Variants in FRAS1 observed in about 807,000 individuals in gnomAD.
FRAS1 encodes the protein extracellular matrix organizing protein FRAS1.
A neutral mutation model predicts 435.2 loss-of-function variants in FRAS1; 290 were observed. The observed-to-expected ratio is 0.67, with a 90% CI of 0.61 to 0.73. The LOEUF (loss-of-function observed/expected upper bound fraction) is 0.73, where lower values mean the gene tolerates loss of function less well. Among genes scored for constraint, FRAS1 ranks in the 30% least tolerant of loss-of-function variants. FRAS1 has a pLI of 0.00. For synonymous variants in FRAS1, 1,800 were observed against 1,851.0 expected (o/e 0.97, Z 0.71); for missense variants, 4,860 against 5,001.5 (o/e 0.97, Z 0.85).
intron 36 of FRAS1, among the ~76,000 whole-genome samples, chr4:78,429,823 C>T (rs1405600148): frequency 1.3e-5 from 2 of 152,162 alleles, no homozygotes; most frequent in Non-Finnish European, 2.9e-5. Flanking sequence ...ACCAAACTTA[C>T]AAATAAGCCA....
At chr4:78,153,763 T>A (rs1470133435) in intron 2 of FRAS1, among the ~76,000 whole-genome samples, 1 of 152,192 alleles carries the variant, frequency 6.6e-6, no homozygotes, top group Non-Finnish European at 1.5e-5. Context: ...GGAAACGAAA[T>A]AATTTAGCAG....
chr4:78,488,537 G>A (rs1483575581), intron 58 of FRAS1, among the ~76,000 whole-genome samples: 2 of 152,066 alleles, frequency 1.3e-5, no homozygotes, highest in East Asian at 1.9e-4. Context: ...AAAATTTTTC[G>A]TACACCATCA....
At chr4:78,263,434 G>A (rs1726209936) in intron 6 of FRAS1, among the ~76,000 whole-genome samples, 1 of 152,128 alleles carries the variant, frequency 6.6e-6, no homozygotes, top group Non-Finnish European at 1.5e-5. Context: ...CTCCCTCCCT[G>A]CATACGCTCA....
intron 27 of FRAS1, among the ~76,000 whole-genome samples, chr4:78,383,174 AC>A (rs1179977856): frequency 6.6e-6 from 1 of 152,074 alleles, no homozygotes; most frequent in African/African-American, 2.4e-5. Flanking sequence ...TTATTTTATT[AC>A]TAATTGGGAC....
intron 29 of FRAS1, among the ~76,000 whole-genome samples, chr4:78,388,713 T>A (rs1213857534): frequency 6.7e-6 from 1 of 150,188 alleles, no homozygotes. Context: ...AAGGCTGAGG[T>A]GGGAGGATCA....
intron 19 of FRAS1, among the ~76,000 whole-genome samples, chr4:78,334,697 T>C (rs1730100459): frequency 6.6e-6 from 1 of 152,078 alleles, no homozygotes. Context: ...TGTGATAAAA[T>C]GTTATATGTA....
intron 33 of FRAS1, among the ~76,000 whole-genome samples, chr4:78,419,765 G>A (rs960545123): frequency 1.3e-5 from 2 of 152,176 alleles, no homozygotes; most frequent in Non-Finnish European, 2.9e-5. Context: ...TGGATGGGGA[G>A]GCCTCAGGAA....
chr4:78,285,048 C>G (rs1478816226), intron 13 of FRAS1, among the ~76,000 whole-genome samples: 3 of 152,148 alleles, frequency 2.0e-5, no homozygotes, highest in Non-Finnish European at 2.9e-5. Context: ...GAGCTTATCT[C>G]TTATGGGCTA....
At chr4:78,431,429 A>G (rs534040888) in intron 37 of FRAS1, among the ~76,000 whole-genome samples, 2 of 152,246 alleles carry the variant, frequency 1.3e-5, no homozygotes, top group African/African-American at 4.8e-5. Context: ...TTACGTTTTC[A>G]TAGGCATAAT....
rs150764311 is a variant in FRAS1, at chr4:78,375,602, A to G, written c.3152-137A>G. 3,393 of 673,850 alleles carry G rather than the reference A, an allele frequency of 5.0e-3. 14 individuals are homozygous for G. The highest frequency in any genetic ancestry group is 7.0e-3 in the Non-Finnish European group (2,899 of 413,406). 41.7% of individuals were successfully genotyped at this position (673,850 alleles called of 1,614,324 possible). ...AGCTCCCTATATATTCTGTAGGGAA[A>G]CTGTCAGTATTCTCTTTTGTTACAG... On this transcript the variant is annotated intron_variant, in intron 25 of 73. Coordinates refer to ENST00000512123, the MANE Select transcript of FRAS1 (RefSeq NM_025074.7).
chr4:78,169,106 G>A (rs2110034522), intron 2 of FRAS1, among the ~76,000 whole-genome samples: 1 of 152,156 alleles, frequency 6.6e-6, no homozygotes, highest in East Asian at 1.9e-4. Context: ...ATTGCAGGCT[G>A]CCCTCTTGTT....
At chr4:78,154,285 T>C (rs139862203) in intron 2 of FRAS1, among the ~76,000 whole-genome samples, 1 of 152,292 alleles carries the variant, frequency 6.6e-6, no homozygotes, top group East Asian at 1.9e-4. Context: ...GATCTCATTC[T>C]CTTGGAACTA....
chr4:78,446,942 AAC>A, intron 43 of FRAS1, 62 bp downstream of exon 43: 1 of 1,444,876 alleles, frequency 6.9e-7, no homozygotes, highest in African/African-American at 1.4e-5. Flanking sequence ...TGTTAGAATA[AAC>A]ACAAATATTT....
At chr4:78,310,878 T>A (rs345526) in intron 15 of FRAS1, among the ~76,000 whole-genome samples, 1 of 152,120 alleles carries the variant, frequency 6.6e-6, no homozygotes, top group African/African-American at 2.4e-5. Context: ...CCTACCAGCC[T>A]GTATCTGTAG....
In FRAS1 at chr4:78,464,076, T is replaced by C. The variant is rs746351714; in HGVS notation, c.6819T>C (p.Tyr2273=). ...QADLTSRNVQ[Y]VHSSEAEKHS... Reference sequence around the variant, plus strand: ...ATCTGACTTCACGAAATGTTCAGTATGTCCATTCTAGTGAGGCTGAGAAAC... The same window carrying C: ...ATCTGACTTCACGAAATGTTCAGTACGTCCATTCTAGTGAGGCTGAGAAAC... Residue 2273 remains tyrosine (Y), a synonymous_variant, in exon 48 of 74, where the codon TAT becomes TAC. Transcript: ENST00000512123. The C allele has an allele frequency of 7.4e-6, 12 of 1,613,768 alleles. No individual in the cohort carries two copies. Among genetic ancestry groups the C allele is most frequent in the Middle Eastern group, 1.7e-4 (1 of 6,020 alleles).
rs891439423 is a variant in FRAS1 at position 78,515,892 on chromosome 4, C to T, written c.10268C>T (p.Pro3423Leu). The T allele has an allele frequency of 1.1e-5, 17 of 1,613,840 alleles. No individual in the cohort carries two copies. The highest frequency in any genetic ancestry group is 1.4e-5 in the Non-Finnish European group (16 of 1,179,880). ...CAGTTTGACCCCAGCGTGCGAGAGC[C>T]GAAGACCATCCAGCTCTACAAACAC... ...PFQFDPSVRE[P>L]KTIQLYKHLN... The change falls in exon 66 of 74, where the codon CCG becomes CTG. Residue 3423 changes from proline to leucine, a missense_variant. Transcript: ENST00000512123.
chr4:78,337,883 C>T (rs1212346338), intron 20 of FRAS1, 66 bp downstream of exon 20: 3 of 1,519,012 alleles, frequency 2.0e-6, no homozygotes, highest in Non-Finnish European at 2.7e-6. Context: ...TCATACCAGG[C>T]TTAAGGGGGC....
chr4:78,425,541 TTAGCAGTAGAG>T (rs1341536611), intron 35 of FRAS1, among the ~76,000 whole-genome samples: 8 of 152,184 alleles, frequency 5.3e-5, no homozygotes, highest in Admixed American at 6.5e-5. Context: ...GGGAAAAATG[TTAGCAGTAGAG>T]TTGCCTCTCT....
chr4:78,537,673 T>A (rs2109908684), intron 72 of FRAS1, among the ~76,000 whole-genome samples: 1 of 152,332 alleles, frequency 6.6e-6, no homozygotes, highest in African/African-American at 2.4e-5. Flanking sequence ...CAGGGCGTGG[T>A]GGCTCATGCC....
Sources: gnomAD v4.1 joint callset for allele counts (sites outside exome capture counted in the v4.1 genomes callset) on GRCh38, gnomAD v4.1.1 for gene constraint, MANE v1.5 for transcripts, NCBI Gene and HGNC (gene_info 2026-07-23, HGNC 2026-07-21) for gene names.